DNAAF4: variants seen among roughly 807,000 people sequenced by gnomAD.
DNAAF4 encodes the protein dynein assembly factor 4, axonemal.
In DNAAF4, 43 loss-of-function variants were observed where a neutral mutation model predicts 51.8. The observed-to-expected ratio is 0.83, with a 90% CI of 0.65 to 1.07. The LOEUF (loss-of-function observed/expected upper bound fraction) is 1.07, where lower values mean the gene tolerates loss of function less well. DNAAF4 is among the 50% of genes least tolerant of loss of function. The probability of loss-of-function intolerance (pLI) is 0.00; values close to 1 mark genes in which losing one functional copy is unlikely to be tolerated. For synonymous variants in DNAAF4, 194 were observed against 165.6 expected (o/e 1.17, Z -1.32); for missense variants, 581 against 493.0 (o/e 1.18, Z -1.69).
chr15:55,470,147 G>A (rs1003095225), intron 4 of DNAAF4, among the ~76,000 whole-genome samples: 5 of 151,832 alleles, frequency 3.3e-5, no homozygotes, highest in Non-Finnish European at 7.4e-5. Flanking sequence ...CGCCTCCCAG[G>A]TTCAAGTGAT....
At chr15:55,425,579 G>C (rs1006315611), downstream of DNAAF4, among the ~76,000 whole-genome samples, 3 of 6,778 alleles carry the variant, frequency 4.4e-4, no homozygotes, top group Non-Finnish European at 2.3e-3. Context: ...CTGAGTAAAA[G>C]CATTTTTTTT....
At chr15:55,424,000 G>T (rs1050630057) in intron 7 of DNAAF4, among the ~76,000 whole-genome samples, 1 of 152,162 alleles carries the variant, frequency 6.6e-6, no homozygotes, top group African/African-American at 2.4e-5. Flanking sequence ...TGAGGCAGGA[G>T]AATCACTTGA....
At chr15:55,441,584 C>A (rs1291763775) in intron 6 of DNAAF4, among the ~76,000 whole-genome samples, 1 of 151,038 alleles carries the variant, frequency 6.6e-6, no homozygotes, top group Non-Finnish European at 1.5e-5. Flanking sequence ...CCACAACAGG[C>A]CCCGGTGTGT....
In DNAAF4 at chr15:55,464,048, C is replaced by T. The variant is rs555958492; in HGVS notation, c.637+2882G>A. On this transcript the variant is annotated intron_variant, in intron 5 of 9. Transcript: ENST00000321149. ...AATCTGAGGGGATCATATTACCTGA[C>T]TTCAAACTATACTACAAGGCCACAG... is the stretch of plus-strand genomic sequence containing the variant. Among the ~76,000 whole-genome samples the T allele has an allele frequency of 7.8e-4, 119 of 152,274 alleles. 1 individual carries two copies. Among genetic ancestry groups the T allele is most frequent in the Non-Finnish European group, 1.5e-3 (99 of 68,020 alleles).
Position 55,473,187 on chromosome 15 carries a change from TA to T in DNAAF4, c.406-6027del, listed in dbSNP as rs879351208. Reference sequence around the variant, plus strand: ...CCTCAAAACAAACAAAAAAAAAACCTAAAAAAAAAAAATATATATATATATA... The same window carrying T: ...CCTCAAAACAAACAAAAAAAAAACCTAAAAAAAAAAATATATATATATATA... On this transcript the variant is annotated intron_variant, in intron 4 of 9. Transcript: ENST00000321149. Among the ~76,000 whole-genome samples, 37 of 27,528 alleles carry T rather than the reference TA, an allele frequency of 1.3e-3. 2 individuals carry two copies. Among genetic ancestry groups the T allele is most frequent in the African/African-American group, 5.0e-3 (31 of 6,206 alleles). 18.1% of individuals were successfully genotyped at this position (27,528 alleles called of 152,430 possible). A position where few individuals can be genotyped will look rare whatever the true frequency, so the allele number is the denominator to read the frequency against.
downstream of DNAAF4, among the ~76,000 whole-genome samples, chr15:55,429,150 A>G (rs1458957038): frequency 6.6e-6 from 1 of 151,960 alleles, no homozygotes; most frequent in Non-Finnish European, 1.5e-5. Context: ...TGAACCCAGG[A>G]GACGGAGGTT....
chr15:55,503,865 A>G (rs2058712623), intron 1 of DNAAF4, among the ~76,000 whole-genome samples: 1 of 152,210 alleles, frequency 6.6e-6, no homozygotes, highest in South Asian at 2.1e-4. Flanking sequence ...AAACCGGCAC[A>G]AGACAAGGAT....
At position 55,432,906 on chromosome 15, in the gene DNAAF4, C is replaced by A. The variant is rs543852569; in HGVS notation, c.1048-304G>T. The stretch of plus-strand genomic sequence containing the variant: ...CAGAGCTTGCAGAGAGCCGAGATCG[C>A]GCCACTGAACTCCAGCCTGGGTGAC... On this transcript the variant is annotated intron_variant, in intron 8 of 9. Transcript: ENST00000321149. Among the ~76,000 whole-genome samples the A allele has an allele frequency of 2.3e-3, 354 of 151,970 alleles. 4 individuals are homozygous for A. The highest frequency in any genetic ancestry group is 7.8e-4 in the East Asian group (4 of 5,156).
chr15:55,478,171 C>T (rs1229391864), intron 4 of DNAAF4, among the ~76,000 whole-genome samples: 1 of 152,174 alleles, frequency 6.6e-6, no homozygotes, highest in Non-Finnish European at 1.5e-5. Context: ...GATTCAGGGG[C>T]AAGTTACTCT....
chr15:55,447,234 C>G (rs1046798621), intron 6 of DNAAF4, among the ~76,000 whole-genome samples: 13 of 146,746 alleles, frequency 8.9e-5, no homozygotes, highest in South Asian at 2.2e-4. Flanking sequence ...CGGGCAGAGG[C>G]GCTCCCCACT....
At chr15:55,507,109 C>A (rs968381829) in intron 1 of DNAAF4, among the ~76,000 whole-genome samples, 3 of 152,082 alleles carry the variant, frequency 2.0e-5, no homozygotes, top group African/African-American at 7.2e-5. Flanking sequence ...CTTCCATCTC[C>A]CAAAGTGCTG....
At chr15:55,426,300 C>T (rs1408463078), downstream of DNAAF4, among the ~76,000 whole-genome samples, 1 of 152,138 alleles carries the variant, frequency 6.6e-6, no homozygotes, top group Non-Finnish European at 1.5e-5. Flanking sequence ...ACTCCTAAAC[C>T]ATAATTTCTA....
chr15:55,489,817 G>A (rs745844956), intron 4 of DNAAF4, among the ~76,000 whole-genome samples: 20 of 151,476 alleles, frequency 1.3e-4, no homozygotes, highest in African/African-American at 4.6e-4. Context: ...CTTAAATAAT[G>A]CGTATTATAG....
chr15:55,491,378 G>A, intron 3 of DNAAF4, 122 bp from the exon 4 acceptor site: 2 of 1,008,076 alleles, frequency 2.0e-6, no homozygotes, highest in South Asian at 1.8e-5. Context: ...CAAGGAACAT[G>A]GAAAATATTT....
intron 5 of DNAAF4, among the ~76,000 whole-genome samples, chr15:55,466,579 T>C (rs895572252): frequency 2.6e-5 from 4 of 152,202 alleles, no homozygotes; most frequent in African/African-American, 9.6e-5. Context: ...TAGTTTCTTA[T>C]CTCTAATGGA....
In DNAAF4 at chr15:55,461,680, A is replaced by G. The variant is rs552437421; in HGVS notation, c.637+5250T>C. The stretch of plus-strand genomic sequence containing the variant: ...TCATAGCACTAAACGCCTACATCAA[A>G]AAGTCTGAAAGAGCATAAACAGACA... On this transcript the variant is annotated intron_variant, in intron 5 of 9. Coordinates refer to ENST00000321149, the MANE Select transcript of DNAAF4 (RefSeq NM_130810.4). Among the ~76,000 whole-genome samples, 123 of 152,308 alleles carry G rather than the reference A, an allele frequency of 8.1e-4. 1 individual carries two copies. In the South Asian group the frequency reaches 0.024, roughly 30 times the overall value.
intron 4 of DNAAF4, among the ~76,000 whole-genome samples, chr15:55,467,812 G>A (rs905434410): frequency 1.3e-5 from 2 of 152,152 alleles, no homozygotes; most frequent in Non-Finnish European, 2.9e-5. Flanking sequence ...CTAAATATCA[G>A]ATGAATTTGA....
intron 3 of DNAAF4, among the ~76,000 whole-genome samples, chr15:55,494,154 T>G (rs1391843546): frequency 6.7e-6 from 1 of 149,090 alleles, no homozygotes; most frequent in Non-Finnish European, 1.5e-5. Flanking sequence ...CTCAGCCTCC[T>G]GAGTAGCTGG....
At chr15:55,480,117 A>G (rs1340067452) in intron 4 of DNAAF4, among the ~76,000 whole-genome samples, 1 of 151,910 alleles carries the variant, frequency 6.6e-6, no homozygotes, top group Non-Finnish European at 1.5e-5. Context: ...TGATCTTTGT[A>G]TCTACTCCCT....
Sources: allele counts gnomAD v4.1 joint callset (sites outside exome capture counted in the v4.1 genomes callset), GRCh38; gene constraint gnomAD v4.1.1; transcripts MANE v1.5; gene names NCBI Gene and HGNC (gene_info 2026-07-23, HGNC 2026-07-21).